Variants in MAP7 observed in about 807,000 individuals in gnomAD.
MAP7 encodes ensconsin.
In MAP7, 52 loss-of-function variants were observed where a neutral mutation model predicts 94.8. That is an observed-to-expected ratio of 0.55 (90% CI 0.44 to 0.69). The LOEUF (loss-of-function observed/expected upper bound fraction) is 0.69. Ranked by LOEUF, MAP7 falls within the 30% of genes least tolerant of loss-of-function variation. The pLI is 0.00. For synonymous variants in MAP7, 350 were observed against 357.0 expected, an observed-to-expected ratio of 0.98 and a Z score of 0.22; for missense variants, 940 against 964.6, an observed-to-expected ratio of 0.97 and a Z score of 0.34.
intron 1 of MAP7, among the ~76,000 whole-genome samples, chr6:136,462,954 C>CA (rs5880296): frequency 0.75 from 93,724 of 124,686 alleles, 34,777 homozygotes; most frequent in South Asian, 0.86. Context: ...GATCCTATCT[C>CA]AAAAAAAAAA....
intron 1 of MAP7, among the ~76,000 whole-genome samples, chr6:136,481,500 T>C (rs1812840535): frequency 6.6e-6 from 1 of 152,082 alleles, no homozygotes. Context: ...TTAAGTGAAA[T>C]AAGCGAGGGA....
At chr6:136,430,397 A>G (rs946368291) in intron 1 of MAP7, among the ~76,000 whole-genome samples, 4 of 152,168 alleles carry the variant, frequency 2.6e-5, no homozygotes, top group Non-Finnish European at 5.9e-5. Flanking sequence ...AAAATGTACA[A>G]TACTTAAAAA....
Position 136,411,685 on chromosome 6 carries a change from A to G in MAP7, c.179T>C (p.Val60Ala). Residue 60 changes from valine to alanine, a missense_variant, in exon 3 of 18, where the codon GTG (valine) becomes GCG (alanine). Val to Ala is a moderately conservative substitution (Grantham distance 64). Coordinates refer to ENST00000354570, the MANE Select transcript of MAP7 (RefSeq NM_003980.6). ...CCGCTGCCGGTCATCAACACGTAAC[A>G]CAGGCGGAGGGTCTGAAAGCGAGAT... ...HSGNKPDPPP[V>A]LRVDDRQRLA... 1 of 1,565,796 alleles carries G rather than the reference A, an allele frequency of 6.4e-7. No homozygotes were observed. The highest frequency in any genetic ancestry group is 8.7e-7 in the Non-Finnish European group (1 of 1,153,590).
intron 5 of MAP7, among the ~76,000 whole-genome samples, chr6:136,384,936 T>A (rs1649260143): frequency 6.6e-6 from 1 of 152,182 alleles, no homozygotes; most frequent in Admixed American, 6.5e-5. Context: ...GTAATGAAAG[T>A]CTAAAAAGTC....
intron 3 of MAP7, 139 bp downstream of exon 3, chr6:136,411,481 C>T (rs1453899972): frequency 1.4e-6 from 1 of 708,362 alleles, no homozygotes; most frequent in East Asian, 2.8e-5. Context: ...TAAAACTTAT[C>T]CCTATGTTTA....
At chr6:136,549,577 G>T (rs1354827667) in intron 1 of MAP7, among the ~76,000 whole-genome samples, 1 of 152,280 alleles carries the variant, frequency 6.6e-6, no homozygotes, top group Admixed American at 6.5e-5. Context: ...TGGAGGTTGT[G>T]GGGGAGGGGT....
chr6:136,471,784 T>C (rs560134634), intron 1 of MAP7, among the ~76,000 whole-genome samples: 1 of 152,294 alleles, frequency 6.6e-6, no homozygotes, highest in East Asian at 1.9e-4. Flanking sequence ...AAGATACTTT[T>C]ATTTTCTATA....
intron 1 of MAP7, among the ~76,000 whole-genome samples, chr6:136,530,669 C>T (rs1484277476): frequency 1.4e-5 from 2 of 145,022 alleles, no homozygotes; most frequent in Non-Finnish European, 2.9e-5. Context: ...AAAGGCACAA[C>T]ATTCTGCCAT....
chr6:136,402,567 G>C (rs921680575), intron 3 of MAP7, among the ~76,000 whole-genome samples: 3 of 152,166 alleles, frequency 2.0e-5, no homozygotes, highest in South Asian at 2.1e-4. Flanking sequence ...CATAGGTGGA[G>C]ATCAAGAGCT....
At chr6:136,345,730 G>A in intron 17 of MAP7, 126 bp downstream of exon 17, 1 of 829,086 alleles carries the variant, frequency 1.2e-6, no homozygotes, top group Non-Finnish European at 2.1e-6. Flanking sequence ...CTCTTCCACT[G>A]TGGCTTACTT....
chr6:136,355,181 A>T (rs1305850851), intron 16 of MAP7, among the ~76,000 whole-genome samples: 1 of 152,114 alleles, frequency 6.6e-6, no homozygotes, highest in Non-Finnish European at 1.5e-5. Context: ...CTCAAAAAAA[A>T]TAATAATAAA....
chr6:136,464,997 C>G (rs910195552), intron 1 of MAP7, among the ~76,000 whole-genome samples: 5 of 152,218 alleles, frequency 3.3e-5, no homozygotes, highest in African/African-American at 1.2e-4. Flanking sequence ...CCATGCTGTT[C>G]ATTATTCCAC....
At chr6:136,489,094 G>A (rs369188904) in intron 1 of MAP7, among the ~76,000 whole-genome samples, 2 of 151,990 alleles carry the variant, frequency 1.3e-5, no homozygotes, top group South Asian at 4.1e-4. Context: ...AGATCAGTAG[G>A]TGCTCATCTC....
intron 3 of MAP7, among the ~76,000 whole-genome samples, chr6:136,391,583 A>AACAACC (rs1299323668): frequency 6.6e-6 from 1 of 151,260 alleles, no homozygotes; most frequent in African/African-American, 2.4e-5. Context: ...CAACAACAAC[A>AACAACC]ACCAAACCAC....
chr6:136,361,814 G>A (rs1301816079), intron 11 of MAP7, among the ~76,000 whole-genome samples: 2 of 152,240 alleles, frequency 1.3e-5, no homozygotes, highest in Non-Finnish European at 2.9e-5. Flanking sequence ...TACCCTCCGA[G>A]AGGAGTTTTA....
At chr6:136,476,096 T>A (rs1810812718) in intron 1 of MAP7, 1 of 152,338 alleles carries the variant, frequency 6.6e-6, no homozygotes, top group East Asian at 1.9e-4. Flanking sequence ...GCATGGATTG[T>A]CATCCAATGA....
intron 1 of MAP7, among the ~76,000 whole-genome samples, chr6:136,519,942 C>A (rs1475883535): frequency 6.6e-6 from 1 of 152,042 alleles, no homozygotes; most frequent in Non-Finnish European, 1.5e-5. Flanking sequence ...CTCACTCCTG[C>A]AATCCCAGCA....
intron 1 of MAP7, chr6:136,466,732 C>T: frequency 1.3e-6 from 2 of 1,531,920 alleles, no homozygotes; most frequent in Middle Eastern, 3.4e-4. Flanking sequence ...TTAAGGTTTT[C>T]AAAACACATT....
Position 136,360,781 on chromosome 6 carries a change from G to T in MAP7, c.1719C>A (p.Arg573=), listed in dbSNP as rs1562309976. Residue 573 remains arginine, a synonymous_variant, in exon 13 of 18, where the codon CGC becomes CGA. Transcript: ENST00000354570. ...RAQRQKEEEA[R]VREEAERVRQ... ...GGACCCTCTCTGCTTCTTCACGAAC[G>T]CGAGCTTCTTCTTCTTTCTGAAAAC... The T allele has an allele frequency of 3.7e-6, 6 of 1,613,750 alleles. No homozygotes were observed. Among genetic ancestry groups the T allele is most frequent in the African/African-American group, 1.3e-5 (1 of 74,802 alleles).
Sources: allele counts gnomAD v4.1 joint callset (sites outside exome capture counted in the v4.1 genomes callset), GRCh38; gene constraint gnomAD v4.1.1; transcripts MANE v1.5; gene names NCBI Gene and HGNC (gene_info 2026-07-23, HGNC 2026-07-21).